The following MPP4 variants were observed in gnomAD, a reference collection of about 807,000 sequenced individuals.
MPP4 encodes the protein MAGUK p55 scaffold protein 4.
MPP4 carries 91 observed loss-of-function variants against 98.3 expected under a neutral mutation model. That is an observed-to-expected ratio of 0.93 (90% CI 0.78 to 1.10). The LOEUF (loss-of-function observed/expected upper bound fraction) is 1.10, where lower values mean the gene tolerates loss of function less well. Ranked by LOEUF, MPP4 falls within the 50% of genes least tolerant of loss-of-function variation. MPP4 has a pLI of 0.00. For missense variants in MPP4, 744 were observed against 792.9 expected, an observed-to-expected ratio of 0.94 and a Z score of 0.74; for synonymous variants, 261 against 271.8, an observed-to-expected ratio of 0.96 and a Z score of 0.39.
intron 3 of MPP4, among the ~76,000 whole-genome samples, chr2:201,691,742 C>A (rs1200902407): frequency 6.6e-6 from 1 of 152,168 alleles, no homozygotes; most frequent in Non-Finnish European, 1.5e-5. Context: ...TGGTCTCAAC[C>A]TCCTGACCTC....
At chr2:201,668,429 G>A (rs1468680298) in intron 12 of MPP4, among the ~76,000 whole-genome samples, 4 of 150,544 alleles carry the variant, frequency 2.7e-5, no homozygotes, top group Admixed American at 1.3e-4. Flanking sequence ...AAACACATCA[G>A]ATCAATCGAT....
At chr2:201,688,587 G>A (rs1199073294) in intron 4 of MPP4, among the ~76,000 whole-genome samples, 1 of 152,128 alleles carries the variant, frequency 6.6e-6, no homozygotes, top group Non-Finnish European at 1.5e-5. Context: ...GCCCCAGGCA[G>A]AAGCATGCCT....
In MPP4 at chr2:201,692,997, C is replaced by G; in HGVS notation, c.112G>C (p.Glu38Gln). ...TCTCTGCCGTAGAACAGACTCAGCTCTTGCAGCACAAGCCTCAGGATCTGG... is the reference window on the plus strand; with the variant it reads ...TCTCTGCCGTAGAACAGACTCAGCTGTTGCAGCACAAGCCTCAGGATCTGG... ...LSQILRLVLQELSLFYGRDVN... is the reference protein window; with the variant it reads ...LSQILRLVLQQLSLFYGRDVN... The change falls in exon 3 of 22, where the codon GAG (glutamate) becomes CAG (glutamine). Residue 38 changes from glutamate (E) to glutamine (Q), a missense_variant. By Grantham distance (29) the Glu-to-Gln change is conservative. Coordinates refer to ENST00000409474, the MANE Select transcript of MPP4 (RefSeq NM_033066.3). 1 of 1,613,122 alleles carries G rather than the reference C, an allele frequency of 6.2e-7. No homozygotes were observed. The highest frequency in any genetic ancestry group is 1.3e-5 in the African/African-American group (1 of 74,992).
At chr2:201,663,922 A>G (rs1055384762) in intron 14 of MPP4, among the ~76,000 whole-genome samples, 159 bp downstream of exon 14, 1 of 152,192 alleles carries the variant, frequency 6.6e-6, no homozygotes, top group Non-Finnish European at 1.5e-5. Flanking sequence ...TTTATAATGT[A>G]TATTTGAGGT....
rs1688666940 is a variant in MPP4 at position 201,681,575 on chromosome 2, A to G, written c.661-8T>C. ...TGTGCCTCGAGACATGGCCTGGAAA[A>G]TAAGAGAGGAGAAAGGATGACAATC... On this transcript the variant is annotated splice_region_variant and splice_polypyrimidine_tract_variant and intron_variant, in intron 8 of 21. Coordinates refer to ENST00000409474, the MANE Select transcript of MPP4 (RefSeq NM_033066.3). 1 of 1,611,750 alleles carries G rather than the reference A, an allele frequency of 6.2e-7. No homozygotes were observed. The highest frequency in any genetic ancestry group is 8.5e-7 in the Non-Finnish European group (1 of 1,178,220).
At chr2:201,648,070 T>C (rs116718805) in intron 20 of MPP4, among the ~76,000 whole-genome samples, 5,702 of 152,300 alleles carry the variant, frequency 0.037, 344 homozygotes, top group African/African-American at 0.12. Flanking sequence ...TTGCCCAGGC[T>C]GGAGCGCAGG....
At chr2:201,692,459 G>A (rs765759292) in intron 3 of MPP4, among the ~76,000 whole-genome samples, 3 of 151,458 alleles carry the variant, frequency 2.0e-5, no homozygotes, top group Admixed American at 6.6e-5. Flanking sequence ...CAGGAGAATC[G>A]CTTGAAGCTG....
chr2:201,683,438 G>C (rs1034364158), intron 7 of MPP4, among the ~76,000 whole-genome samples: 2 of 152,140 alleles, frequency 1.3e-5, no homozygotes, highest in African/African-American at 4.8e-5. Flanking sequence ...CATCAGATGT[G>C]GTCAAGAAGT....
chr2:201,663,454 C>T (rs1688080547), intron 14 of MPP4, among the ~76,000 whole-genome samples: 1 of 152,140 alleles, frequency 6.6e-6, no homozygotes, highest in African/African-American at 2.4e-5. Flanking sequence ...TTACTGGGAC[C>T]AGGTGTGGTG....
intron 10 of MPP4, 26 bp from the exon 11 acceptor site, chr2:201,675,297 C>T (rs1052917438): frequency 2.5e-6 from 4 of 1,572,974 alleles, no homozygotes; most frequent in Non-Finnish European, 3.5e-6. Flanking sequence ...AACCATGCGA[C>T]AAAAAACAAA....
intron 1 of MPP4, chr2:201,697,887 C>G: frequency 1.0e-6 from 1 of 984,212 alleles, no homozygotes; most frequent in Non-Finnish European, 1.2e-6. Flanking sequence ...TTCCTTAGTC[C>G]TGAAAGATGC....
At position 201,690,237 on chromosome 2, in the gene MPP4, G is replaced by A; in HGVS notation, c.244C>T (p.Pro82Ser). ...AACACCTGTGCATGTGGTGTGGCAG[G>A]AACTAGTTTCTTTTCTTTAAATTCC... Reference protein sequence around the residue: ...LQEFKEKKLVPATPHAQVLSY... With the variant: ...LQEFKEKKLVSATPHAQVLSY... The change falls in exon 4 of 22, where the codon CCT (proline) becomes TCT (serine). Residue 82 changes from proline to serine, a missense_variant. Coordinates refer to ENST00000409474, the MANE Select transcript of MPP4 (RefSeq NM_033066.3). 6.2e-7 allele frequency: 1 copy of A among 1,610,022 alleles called. No homozygotes were observed.
chr2:201,649,544 T>C, intron 20 of MPP4, 32 bp downstream of exon 20: 1 of 1,488,414 alleles, frequency 6.7e-7, no homozygotes, highest in Non-Finnish European at 9.2e-7. Flanking sequence ...CATTCATTGT[T>C]TGGGGACATA....
intron 14 of MPP4, chr2:201,661,531 G>C (rs777875152): frequency 2.2e-6 from 1 of 456,384 alleles, no homozygotes; most frequent in Middle Eastern, 3.3e-4. Context: ...AGTCCACAAG[G>C]GGCGTTTTAC....
chr2:201,654,900 C>G lies in MPP4; in HGVS notation c.1318G>C (p.Val440Leu), dbSNP rs771833495. 14 of 1,604,030 alleles carry G rather than the reference C, an allele frequency of 8.7e-6. No individual in the cohort carries two copies. The highest frequency in any genetic ancestry group is 1.2e-5 in the Non-Finnish European group (14 of 1,175,280). Residue 440 changes from valine to leucine, a missense_variant, in exon 18 of 22, where the codon GTA (valine) becomes CTA (leucine). Physicochemically the swap from Val to Leu is conservative, Grantham distance 32 (BLOSUM62 1). Coordinates refer to ENST00000409474, the MANE Select transcript of MPP4 (RefSeq NM_033066.3). ...IVLMGPSGVG[V>L]NELRRQLIEF... is the part of the protein sequence containing the mutation. ...ATAAGTTGTCTTCTGAGCTCATTTA[C>G]TCCAACACCAGAGGGTCCTAAACAC...
At chr2:201,653,389 C>T (rs1462594314) in intron 18 of MPP4, among the ~76,000 whole-genome samples, 2 of 152,158 alleles carry the variant, frequency 1.3e-5, no homozygotes, top group African/African-American at 4.8e-5. Flanking sequence ...CACACCCACA[C>T]ACTCTTCCCA....
intron 7 of MPP4, 23 bp from the exon 8 acceptor site, chr2:201,682,939 CAAAG>C (rs1688706029): frequency 3.1e-6 from 5 of 1,592,350 alleles, no homozygotes; most frequent in Non-Finnish European, 2.6e-6. Flanking sequence ...TAACAAAAAA[CAAAG>C]AAAGATACAA....
chr2:201,667,663 A>G lies in MPP4; in HGVS notation c.1013-1291T>C, dbSNP rs145136696. On this transcript the variant is annotated intron_variant, in intron 12 of 21. Coordinates refer to ENST00000409474, the MANE Select transcript of MPP4 (RefSeq NM_033066.3). Reference sequence around the variant, plus strand: ...AGTGCCCAGCACATCCCAGGTGCTCAACAAATACGGATTTAATAAATGAAG... The same window carrying G: ...AGTGCCCAGCACATCCCAGGTGCTCGACAAATACGGATTTAATAAATGAAG... Among the ~76,000 whole-genome samples the G allele has an allele frequency of 3.5e-3, 538 of 152,326 alleles. 4 individuals are homozygous for G. Among genetic ancestry groups the G allele is most frequent in the Admixed American group, 9.3e-3 (143 of 15,302 alleles).
At chr2:201,687,435 A>C in intron 4 of MPP4, 64 bp from the exon 5 acceptor site, 5 of 1,265,608 alleles carry the variant, frequency 4.0e-6, no homozygotes, top group Non-Finnish European at 5.6e-6. Flanking sequence ...ACTTAACCTC[A>C]CCCAGGCTGG....
Sources: allele counts gnomAD v4.1 joint callset (sites outside exome capture counted in the v4.1 genomes callset), GRCh38; gene constraint gnomAD v4.1.1; transcripts MANE v1.5; gene names NCBI Gene and HGNC (gene_info 2026-07-23, HGNC 2026-07-21).